The following SLC25A21 variants were observed in gnomAD, a reference collection of about 807,000 sequenced individuals.
SLC25A21 encodes the protein solute carrier family 25 member 21, also known as mitochondrial 2-oxodicarboxylate carrier.
Under a neutral mutation model 43.8 loss-of-function variants are expected in SLC25A21, and 47 were observed. That is an observed-to-expected ratio of 1.07 (90% CI 0.85 to 1.37). The LOEUF (loss-of-function observed/expected upper bound fraction) is 1.37, where lower values mean the gene tolerates loss of function less well. Ranked by LOEUF, SLC25A21 falls within the 40% of genes most tolerant of loss-of-function variation. SLC25A21 has a pLI of 0.00. For missense variants in SLC25A21, 352 were observed against 350.2 expected, an observed-to-expected ratio of 1.00 and a Z score of -0.04; for synonymous variants, 131 against 121.3, an observed-to-expected ratio of 1.08 and a Z score of -0.52.
chr14:36,927,335 C>T (rs951153932), intron 1 of SLC25A21, among the ~76,000 whole-genome samples: 15 of 152,278 alleles, frequency 9.9e-5, no homozygotes, highest in Admixed American at 5.9e-4. Context: ...TTTAGACATA[C>T]GAACAAATCT....
At chr14:36,851,240 T>C (rs1001853633) in intron 2 of SLC25A21, among the ~76,000 whole-genome samples, 1 of 152,148 alleles carries the variant, frequency 6.6e-6, no homozygotes, top group Non-Finnish European at 1.5e-5. Flanking sequence ...ACACCTAATT[T>C]CAGTGGCTGA....
chr14:36,769,246 G>T (rs992607765), intron 3 of SLC25A21, among the ~76,000 whole-genome samples: 1 of 152,118 alleles, frequency 6.6e-6, no homozygotes, highest in Non-Finnish European at 1.5e-5. Context: ...CTATCGTGGT[G>T]CTTTTGAATA....
chr14:36,731,302 A>T (rs1884816619), intron 4 of SLC25A21, among the ~76,000 whole-genome samples: 1 of 152,108 alleles, frequency 6.6e-6, no homozygotes, highest in African/African-American at 2.4e-5. Flanking sequence ...TATGATTATC[A>T]TCATCATCAC....
chr14:37,165,590 AGTT>A (rs1964017239), intron 1 of SLC25A21, among the ~76,000 whole-genome samples: 1 of 152,144 alleles, frequency 6.6e-6, no homozygotes, highest in Non-Finnish European at 1.5e-5. Context: ...AGGGTCCTGG[AGTT>A]GCCACTATGG....
intron 3 of SLC25A21, among the ~76,000 whole-genome samples, chr14:36,781,056 CTTCT>C (rs1887039604): frequency 1.3e-5 from 2 of 152,068 alleles, no homozygotes; most frequent in South Asian, 4.1e-4. Context: ...GAGGAATTGA[CTTCT>C]TTATTATTAG....
intron 1 of SLC25A21, among the ~76,000 whole-genome samples, chr14:37,165,412 T>C (rs185022465): frequency 1.3e-5 from 2 of 151,584 alleles, no homozygotes; most frequent in East Asian, 3.9e-4. Flanking sequence ...AAGGTAAGGC[T>C]GGAAAGGATG....
intron 1 of SLC25A21, among the ~76,000 whole-genome samples, chr14:36,911,964 C>T (rs1257295166): frequency 2.0e-5 from 3 of 152,120 alleles, no homozygotes; most frequent in Non-Finnish European, 4.4e-5. Flanking sequence ...AAATATACAT[C>T]ATTTTTGAGC....
chr14:36,903,922 A>G (rs973483080), intron 1 of SLC25A21, among the ~76,000 whole-genome samples: 1 of 152,202 alleles, frequency 6.6e-6, no homozygotes, highest in Non-Finnish European at 1.5e-5. Context: ...TATATGCAAG[A>G]AAGTGTCACT....
At chr14:37,087,802 A>G (rs959899217) in intron 1 of SLC25A21, among the ~76,000 whole-genome samples, 3 of 152,218 alleles carry the variant, frequency 2.0e-5, no homozygotes, top group Non-Finnish European at 4.4e-5. Context: ...GTGAAAGTGC[A>G]TCCTTTCCCC....
At chr14:37,101,322 A>C (rs1962813369) in intron 1 of SLC25A21, among the ~76,000 whole-genome samples, 1 of 152,136 alleles carries the variant, frequency 6.6e-6, no homozygotes, top group African/African-American at 2.4e-5. Context: ...AGCACACAGA[A>C]GTTTTATGAG....
At chr14:37,026,193 C>A (rs1961089770) in intron 1 of SLC25A21, among the ~76,000 whole-genome samples, 1 of 152,144 alleles carries the variant, frequency 6.6e-6, no homozygotes, top group African/African-American at 2.4e-5. Flanking sequence ...TGTCACACCA[C>A]CAGATATAAT....
chr14:36,709,534 G>A (rs1883738262), intron 7 of SLC25A21, among the ~76,000 whole-genome samples: 1 of 152,136 alleles, frequency 6.6e-6, no homozygotes, highest in Admixed American at 6.5e-5. Flanking sequence ...CACTAGGGGG[G>A]TCTATATACA....
chr14:36,986,249 A>T (rs543675887), intron 1 of SLC25A21, among the ~76,000 whole-genome samples: 1 of 152,300 alleles, frequency 6.6e-6, no homozygotes, highest in East Asian at 1.9e-4. Flanking sequence ...ATAAATTCAC[A>T]GCAATATTTT....
At chr14:36,869,807 A>T (rs1346872884) in intron 2 of SLC25A21, among the ~76,000 whole-genome samples, 1 of 152,196 alleles carries the variant, frequency 6.6e-6, no homozygotes, top group Non-Finnish European at 1.5e-5. Flanking sequence ...CATTGGAGAA[A>T]TAGTATCCCC....
At chr14:36,809,710 T>C (rs1888166273) in intron 3 of SLC25A21, among the ~76,000 whole-genome samples, 1 of 152,176 alleles carries the variant, frequency 6.6e-6, no homozygotes, top group Admixed American at 6.5e-5. Flanking sequence ...TAACAGACTT[T>C]AATGTTTTTA....
intron 1 of SLC25A21, among the ~76,000 whole-genome samples, chr14:36,890,931 G>A (rs1291579866): frequency 6.6e-6 from 1 of 152,220 alleles, no homozygotes; most frequent in East Asian, 1.9e-4. Context: ...TTGAAACACT[G>A]AATAAAACAA....
chr14:36,750,416 C>T (rs1204802198), intron 3 of SLC25A21, among the ~76,000 whole-genome samples: 1 of 152,156 alleles, frequency 6.6e-6, no homozygotes, highest in East Asian at 1.9e-4. Flanking sequence ...GGAGGCAGAA[C>T]CTAATCCTAA....
rs569701553 is a variant in SLC25A21 at position 36,773,301 on chromosome 14, C to T, written c.204-38728G>A. 8.5e-5 allele frequency among the ~76,000 whole-genome samples: 13 copies of T among 152,202 alleles called. No homozygotes were observed. In the South Asian group the frequency reaches 1.9e-3, roughly 22 times the overall value. ...CGTCAGACTCTGCTGTGATAAGGGCCTGCCATCTAGGGCATCTCACATTAC... is the reference window on the plus strand; with the variant it reads ...CGTCAGACTCTGCTGTGATAAGGGCTTGCCATCTAGGGCATCTCACATTAC... On this transcript the variant is annotated intron_variant, in intron 3 of 9. Coordinates refer to ENST00000331299, the MANE Select transcript of SLC25A21 (RefSeq NM_030631.4).
At chr14:37,047,479 T>C (rs1961611636) in intron 1 of SLC25A21, among the ~76,000 whole-genome samples, 3 of 152,162 alleles carry the variant, frequency 2.0e-5, no homozygotes, top group Admixed American at 2.0e-4. Context: ...TTTCCGGAAC[T>C]TTGCTAAGAG....
Sources: gnomAD v4.1 joint callset for allele counts (sites outside exome capture counted in the v4.1 genomes callset) on GRCh38, gnomAD v4.1.1 for gene constraint, MANE v1.5 for transcripts, NCBI Gene and HGNC (gene_info 2026-07-23, HGNC 2026-07-21) for gene names.